CFAP52: variants seen among roughly 807,000 people sequenced by gnomAD.
The protein encoded by CFAP52 is cilia- and flagella-associated protein 52.
CFAP52 carries 57 observed loss-of-function variants against 70.5 expected under a neutral mutation model. The observed-to-expected ratio is 0.81, with a 90% CI of 0.65 to 1.01. The LOEUF (loss-of-function observed/expected upper bound fraction) is 1.01. Ranked by LOEUF, CFAP52 falls within the 50% of genes least tolerant of loss-of-function variation. The pLI is 0.00. For synonymous variants in CFAP52, 267 were observed against 292.5 expected (o/e 0.91, Z 0.89); for missense variants, 785 against 788.5 (o/e 1.00, Z 0.05).
chr17:9,635,643 T>C, intron 11 of CFAP52, 87 bp downstream of exon 11: 1 of 1,543,968 alleles, frequency 6.5e-7, no homozygotes, highest in Non-Finnish European at 8.8e-7. Flanking sequence ...AAGATTCACA[T>C]GGAGGGTAGA....
intron 5 of CFAP52, among the ~76,000 whole-genome samples, chr17:9,598,957 C>T (rs974261764): frequency 1.1e-4 from 17 of 152,096 alleles, no homozygotes; most frequent in African/African-American, 3.9e-4. Context: ...ATTCCTATGC[C>T]ACTGATGCTA....
At chr17:9,613,388 G>C (rs1015319844) in intron 8 of CFAP52, among the ~76,000 whole-genome samples, 2 of 151,866 alleles carry the variant, frequency 1.3e-5, no homozygotes, top group African/African-American at 4.8e-5. Context: ...AAGTTGGTCA[G>C]TTTTTGCTCT....
At chr17:9,616,407 C>T (rs1391091284) in intron 8 of CFAP52, among the ~76,000 whole-genome samples, 1 of 125,660 alleles carries the variant, frequency 8.0e-6, no homozygotes, top group African/African-American at 3.3e-5. Flanking sequence ...TGCAAGGCGG[C>T]AACGAGGCTG....
intron 4 of CFAP52, among the ~76,000 whole-genome samples, chr17:9,597,245 C>A (rs1337619013): frequency 6.6e-6 from 1 of 152,076 alleles, no homozygotes; most frequent in Non-Finnish European, 1.5e-5. Flanking sequence ...GAATTTCTTC[C>A]CATTGCGTAC....
intron 3 of CFAP52, among the ~76,000 whole-genome samples, chr17:9,591,290 G>A (rs949527428): frequency 5.3e-5 from 8 of 151,940 alleles, no homozygotes; most frequent in Non-Finnish European, 1.0e-4. Context: ...CACCCTCCTC[G>A]GCCTCCCAAA....
intron 7 of CFAP52, among the ~76,000 whole-genome samples, chr17:9,611,681 T>C (rs1909716413): frequency 6.6e-6 from 1 of 152,186 alleles, no homozygotes; most frequent in Non-Finnish European, 1.5e-5. Flanking sequence ...TGATTTTACT[T>C]ATAAATAAAA....
chr17:9,597,095 C>A (rs1284215718), intron 4 of CFAP52, among the ~76,000 whole-genome samples: 2 of 152,098 alleles, frequency 1.3e-5, no homozygotes, highest in Non-Finnish European at 2.9e-5. Flanking sequence ...TCTCTGATAA[C>A]CACCATTCTA....
intron 3 of CFAP52, chr17:9,590,242 G>A: frequency 5.4e-6 from 1 of 186,340 alleles, no homozygotes; most frequent in South Asian, 1.2e-4. Flanking sequence ...ACACCCTTTG[G>A]CTTACCTATG....
intron 9 of CFAP52, among the ~76,000 whole-genome samples, chr17:9,631,976 T>C (rs1344665496): frequency 6.6e-6 from 1 of 152,092 alleles, no homozygotes; most frequent in Non-Finnish European, 1.5e-5. Flanking sequence ...TCTTGCCATG[T>C]TGACCAGGCT....
intron 7 of CFAP52, 90 bp downstream of exon 7, chr17:9,608,309 G>A (rs1041782474): frequency 2.9e-6 from 3 of 1,044,028 alleles, no homozygotes; most frequent in East Asian, 5.4e-5. Context: ...TATCGGCAAA[G>A]TGATATTTGG....
At chr17:9,638,919 CAT>C (rs1910929735) in intron 12 of CFAP52, 2 of 573,776 alleles carry the variant, frequency 3.5e-6, no homozygotes, top group African/African-American at 3.7e-5. Flanking sequence ...CCACTGACCT[CAT>C]AGAGTAAGGA....
At position 9,607,572 on chromosome 17, in the gene CFAP52, G is replaced by A. The variant is rs191534377; in HGVS notation, c.754-547G>A. Among the ~76,000 whole-genome samples the A allele has an allele frequency of 9.9e-4, 151 of 152,210 alleles. 1 individual carries two copies. In the South Asian group the frequency reaches 0.012, roughly 12 times the overall value. On this transcript the variant is annotated intron_variant, in intron 6 of 13. Transcript: ENST00000352665. ...ATGTTGTAGTTCAGATAATACAGTC[G>A]CCAAACAATAAGAAGTCTATTGTGC... is the stretch of plus-strand genomic sequence containing the variant.
At chr17:9,641,627 C>T (rs1911061039) in intron 12 of CFAP52, 97 bp from the exon 13 acceptor site, 8 of 802,108 alleles carry the variant, frequency 1.0e-5, no homozygotes, top group Admixed American at 6.8e-5. Context: ...TGTATTTTTG[C>T]TCCCTTCTAT....
At chr17:9,609,438 C>A (rs1332000682) in intron 7 of CFAP52, among the ~76,000 whole-genome samples, 1 of 152,108 alleles carries the variant, frequency 6.6e-6, no homozygotes, top group Non-Finnish European at 1.5e-5. Flanking sequence ...CTCACGCCTG[C>A]AATCCCAGCT....
chr17:9,605,555 G>A (rs1264157672), intron 6 of CFAP52, among the ~76,000 whole-genome samples: 2 of 151,918 alleles, frequency 1.3e-5, no homozygotes, highest in African/African-American at 4.8e-5. Flanking sequence ...AATTAGCTGG[G>A]TGTGGTGGTA....
rs1373429447 is a variant in CFAP52 at position 9,585,787 on chromosome 17, G to T, written c.85G>T (p.Gly29Cys). ...VIGFNGHVPT[G>C]LKCHPDQEHM... ...CTCTCTTTTAGGACATGTGCCCACT[G>T]GTCTCAAATGCCATCCTGACCAGGA... Residue 29 changes from glycine to cysteine, a missense_variant, in exon 2 of 14, where the codon GGT becomes TGT. Coordinates refer to ENST00000352665, the MANE Select transcript of CFAP52 (RefSeq NM_145054.5). The T allele has an allele frequency of 3.1e-6, 5 of 1,613,940 alleles. No homozygotes were observed. Among genetic ancestry groups the T allele is most frequent in the Non-Finnish European group, 4.2e-6 (5 of 1,180,018 alleles).
intron 6 of CFAP52, among the ~76,000 whole-genome samples, chr17:9,607,472 G>C (rs921622238): frequency 4.6e-5 from 7 of 152,102 alleles, no homozygotes; most frequent in Non-Finnish European, 1.0e-4. Flanking sequence ...TTTCTTTGGA[G>C]AGAATGGTGG....
Position 9,635,389 on chromosome 17 carries a change from G to C in CFAP52, c.1321-16G>C. On this transcript the variant is annotated splice_polypyrimidine_tract_variant and intron_variant, in intron 10 of 13. Coordinates refer to ENST00000352665, the MANE Select transcript of CFAP52 (RefSeq NM_145054.5). ...TCCCAAGTGTGGATCAAGATCCTGT[G>C]CTCTGTGGCTTTCAGGTGAGGGTAT... 6.2e-7 allele frequency: 1 copy of C among 1,613,540 alleles called. No homozygotes were observed. The highest frequency in any genetic ancestry group is 8.5e-7 in the Non-Finnish European group (1 of 1,179,964).
At chr17:9,634,410 T>C (rs1051619243) in intron 10 of CFAP52, among the ~76,000 whole-genome samples, 4 of 152,136 alleles carry the variant, frequency 2.6e-5, no homozygotes, top group African/African-American at 7.2e-5. Flanking sequence ...TTTGGGAGGC[T>C]GAGGCAGGTG....
Sources: allele counts gnomAD v4.1 joint callset (sites outside exome capture counted in the v4.1 genomes callset), GRCh38; gene constraint gnomAD v4.1.1; transcripts MANE v1.5; gene names NCBI Gene and HGNC (gene_info 2026-07-23, HGNC 2026-07-21).